ULBP1: variants seen among roughly 807,000 people sequenced by gnomAD.
ULBP1 encodes the protein UL16-binding protein 1.
In ULBP1, 28 loss-of-function variants were observed where a neutral mutation model predicts 25.3. The observed-to-expected ratio is 1.10, with a 90% CI of 0.82 to 1.51. ULBP1 has a LOEUF of 1.51. Ranked by LOEUF, ULBP1 falls within the 40% of genes most tolerant of loss-of-function variation. The pLI, the probability that ULBP1 is intolerant of heterozygous loss-of-function variation, is 0.00. For synonymous variants in ULBP1, 129 were observed against 103.0 expected, an observed-to-expected ratio of 1.25 and a Z score of -1.53; for missense variants, 348 against 290.9, an observed-to-expected ratio of 1.20 and a Z score of -1.43.
At chr6:149,969,062 C>G in intron 2 of ULBP1, 23 bp from the exon 3 acceptor site, 2 of 1,612,230 alleles carry the variant, frequency 1.2e-6, no homozygotes, top group Non-Finnish European at 1.7e-6. Context: ...AAGATCAGAG[C>G]TGATCTCTTT....
chr6:149,968,812 G>A lies in ULBP1; in HGVS notation c.291G>A (p.Val97=), dbSNP rs1197555066. 4 of 1,614,166 alleles carry A rather than the reference G, an allele frequency of 2.5e-6. No homozygotes were observed. The highest frequency in any genetic ancestry group is 3.4e-6 in the Non-Finnish European group (4 of 1,180,016). Residue 97 remains valine (V), a synonymous_variant, in exon 2 of 5, where the codon GTG becomes GTA. Coordinates refer to ENST00000229708, the MANE Select transcript of ULBP1 (RefSeq NM_025218.4). ...WEEQTETLRD[V]VDFLKGQLLD... ...AACAAACTGAAACACTAAGAGACGT[G>A]GTGGATTTCCTTAAAGGGCAACTGC... is the stretch of plus-strand genomic sequence containing the variant.
Position 149,963,974 on chromosome 6 carries a change from A to G in ULBP1, c.-76A>G. ...CTGCGCGCGGCGGGCCGGGCTGGGCAGCTTTATAAACAGCCGTGGTGTGAG... is the reference window on the plus strand; with the variant it reads ...CTGCGCGCGGCGGGCCGGGCTGGGCGGCTTTATAAACAGCCGTGGTGTGAG... On this transcript the variant is annotated 5_prime_UTR_variant, in exon 1 of 5. Transcript: ENST00000229708. 6.7e-7 allele frequency: 1 copy of G among 1,497,420 alleles called. No homozygotes were observed. The highest frequency in any genetic ancestry group is 9.2e-7 in the Non-Finnish European group (1 of 1,085,416). The allele number at this position is 1,497,420 out of a possible 1,614,324, so 92.8% of individuals were successfully genotyped here. A position where few individuals can be genotyped will look rare whatever the true frequency, so the allele number is the denominator to read the frequency against.
chr6:149,968,613 A>G lies in ULBP1; in HGVS notation c.92A>G (p.His31Arg), dbSNP rs142912845. The change falls in exon 2 of 5, where the codon CAC (histidine) becomes CGC (arginine). Residue 31 changes from histidine (H) to arginine (R), a missense_variant. Transcript: ENST00000229708. ...GWSRAGWVDT[H>R]CLCYDFIITP... Reference sequence around the variant, plus strand: ...CTGTGTTTTTCTTCCACAGACACACACTGTCTTTGCTATGACTTCATCATC... The same window carrying G: ...CTGTGTTTTTCTTCCACAGACACACGCTGTCTTTGCTATGACTTCATCATC... 6.0e-5 allele frequency: 96 copies of G among 1,603,356 alleles called. No individual in the cohort carries two copies. In the East Asian group the frequency reaches 1.3e-3, roughly 22 times the overall value.
At position 149,971,957 on chromosome 6, in the gene ULBP1, C is replaced by T. The variant is rs535760557; in HGVS notation, c.*611C>T. The T allele has an allele frequency of 2.0e-5, 3 of 152,134 alleles. No individual in the cohort carries two copies. Among genetic ancestry groups the T allele is most frequent in the Non-Finnish European group, 2.9e-5 (2 of 68,042 alleles). The allele number at this position is 152,134 out of a possible 1,614,324, so 9.4% of individuals were successfully genotyped here. A position where few individuals can be genotyped will look rare whatever the true frequency, so the allele number is the denominator to read the frequency against. On this transcript the variant is annotated 3_prime_UTR_variant, in exon 5 of 5. Coordinates refer to ENST00000229708, the MANE Select transcript of ULBP1 (RefSeq NM_025218.4). The stretch of plus-strand genomic sequence containing the variant: ...GACTCAGCCTCTAGAATAGCTGGGA[C>T]TACAGGCACATGCCACCAGGACTGG...
chr6:149,968,024 T>C (rs1779234590), intron 1 of ULBP1, among the ~76,000 whole-genome samples: 1 of 152,208 alleles, frequency 6.6e-6, no homozygotes, highest in Non-Finnish European at 1.5e-5. Context: ...TACACCCTGA[T>C]GTAGAAGTTC....
chr6:149,968,545 A>C, intron 1 of ULBP1, 62 bp from the exon 2 acceptor site: 4 of 1,551,628 alleles, frequency 2.6e-6, no homozygotes, highest in Non-Finnish European at 3.5e-6. Flanking sequence ...CATAAGTGGG[A>C]GGAGGGGATA....
rs937452380 is a variant in ULBP1 at position 149,972,312 on chromosome 6, G to A, written c.*966G>A. The stretch of plus-strand genomic sequence containing the variant: ...AATATCTGGCCAACCATATGCAGAA[G>A]AATGAAACTGAACCCCTACTTCTCC... On this transcript the variant is annotated 3_prime_UTR_variant, in exon 5 of 5. Transcript: ENST00000229708. 1 of 152,130 alleles carries A rather than the reference G, an allele frequency of 6.6e-6. No individual in the cohort carries two copies. Among genetic ancestry groups the A allele is most frequent in the Non-Finnish European group, 1.5e-5 (1 of 68,026 alleles). The allele number at this position is 152,130 out of a possible 1,614,324, so 9.4% of individuals were successfully genotyped here.
intron 1 of ULBP1, among the ~76,000 whole-genome samples, chr6:149,968,245 C>T (rs11967281): frequency 0.016 from 2,496 of 152,342 alleles, 84 homozygotes; most frequent in African/African-American, 0.057. Flanking sequence ...CACTCTCCCA[C>T]CTCCTGCAGT....
rs115012653 is a variant in ULBP1 at position 149,968,810 on chromosome 6, G to T, written c.289G>T (p.Val97Leu). 6.2e-7 allele frequency: 1 copy of T among 1,614,072 alleles called. No individual in the cohort carries two copies. The highest frequency in any genetic ancestry group is 1.7e-5 in the Admixed American group (1 of 60,010). The stretch of plus-strand genomic sequence containing the variant: ...AGAACAAACTGAAACACTAAGAGAC[G>T]TGGTGGATTTCCTTAAAGGGCAACT... ...WEEQTETLRD[V>L]VDFLKGQLLD... is the part of the protein sequence containing the mutation. Residue 97 changes from valine to leucine, a missense_variant, in exon 2 of 5, where the codon GTG becomes TTG. Coordinates refer to ENST00000229708, the MANE Select transcript of ULBP1 (RefSeq NM_025218.4).
At position 149,973,072 on chromosome 6, in the gene ULBP1, A is replaced by G. The variant is rs1779346969; in HGVS notation, c.*1726A>G. The G allele has an allele frequency of 6.6e-6, 1 of 152,238 alleles. No individual in the cohort carries two copies. Among genetic ancestry groups the G allele is most frequent in the Non-Finnish European group, 1.5e-5 (1 of 68,052 alleles). 9.4% of individuals were successfully genotyped at this position (152,238 alleles called of 1,614,324 possible). ...TTCTCACCAGCAAGGACAGAGAATC[A>G]ATCTAAGTGCCCAACAACAGTAAAT... On this transcript the variant is annotated 3_prime_UTR_variant, in exon 5 of 5. Coordinates refer to ENST00000229708, the MANE Select transcript of ULBP1 (RefSeq NM_025218.4).
At chr6:149,967,557 TG>T (rs1779225061) in intron 1 of ULBP1, among the ~76,000 whole-genome samples, 2 of 152,198 alleles carry the variant, frequency 1.3e-5, no homozygotes, top group Non-Finnish European at 2.9e-5. Flanking sequence ...TGTCTTTGTT[TG>T]TTGTAATTAT....
chr6:149,964,363 TCG>T, intron 1 of ULBP1, among the ~76,000 whole-genome samples: 1 of 150,036 alleles, frequency 6.7e-6, no homozygotes, highest in African/African-American at 2.5e-5. Context: ...TCCCCGAACA[TCG>T]TGATCTCCCC....
chr6:149,973,482 A>C lies in ULBP1; in HGVS notation c.*2136A>C, dbSNP rs915564992. The C allele has an allele frequency of 4.6e-5, 7 of 152,234 alleles. No homozygotes were observed. Among genetic ancestry groups the C allele is most frequent in the African/African-American group, 1.7e-4 (7 of 41,466 alleles). The allele number at this position is 152,234 out of a possible 1,614,324, so 9.4% of individuals were successfully genotyped here. A position where few individuals can be genotyped will look rare whatever the true frequency, so the allele number is the denominator to read the frequency against. ...ATTATATAGGTTGAAATTAAAGATG[A>C]ATAAATAAAATAAAATGACACAAGG... On this transcript the variant is annotated 3_prime_UTR_variant, in exon 5 of 5. Coordinates refer to ENST00000229708, the MANE Select transcript of ULBP1 (RefSeq NM_025218.4).
intron 1 of ULBP1, among the ~76,000 whole-genome samples, chr6:149,967,147 G>GA (rs1779218292): frequency 6.6e-6 from 1 of 152,182 alleles, no homozygotes; most frequent in African/African-American, 2.4e-5. Context: ...CATCGAATGG[G>GA]TCTATGAACC....
intron 1 of ULBP1, among the ~76,000 whole-genome samples, chr6:149,964,691 G>A (rs1253685296): frequency 1.7e-5 from 2 of 120,834 alleles, no homozygotes; most frequent in East Asian, 2.5e-4. Context: ...GCTCCTTTCC[G>A]CCGGGTCTGA....
At chr6:149,970,247 A>G in intron 4 of ULBP1, 100 bp downstream of exon 4, 1 of 1,456,402 alleles carries the variant, frequency 6.9e-7, no homozygotes, top group East Asian at 2.5e-5. Flanking sequence ...GGAACTTCTC[A>G]TCCTGACATT....
At chr6:149,966,457 C>A (rs934807112) in intron 1 of ULBP1, among the ~76,000 whole-genome samples, 1 of 152,134 alleles carries the variant, frequency 6.6e-6, no homozygotes, top group Non-Finnish European at 1.5e-5. Context: ...GGGCCTACTG[C>A]GCCCCTCCTT....
chr6:149,972,091 G>A lies in ULBP1; in HGVS notation c.*745G>A, dbSNP rs927376366. On this transcript the variant is annotated 3_prime_UTR_variant, in exon 5 of 5. Coordinates refer to ENST00000229708, the MANE Select transcript of ULBP1 (RefSeq NM_025218.4). ...CCACCTTGGCCTCCCAATGCTCTGG[G>A]ATTACAGACATGAACCACAGTGCCT... is the stretch of plus-strand genomic sequence containing the variant. 3 of 152,094 alleles carry A rather than the reference G, an allele frequency of 2.0e-5. No individual in the cohort carries two copies. The highest frequency in any genetic ancestry group is 7.2e-5 in the African/African-American group (3 of 41,420). 9.4% of individuals were successfully genotyped at this position (152,094 alleles called of 1,614,324 possible). A position where few individuals can be genotyped will look rare whatever the true frequency, so the allele number is the denominator to read the frequency against.
intron 3 of ULBP1, 112 bp from the exon 4 acceptor site, chr6:149,969,904 G>C: frequency 7.0e-7 from 1 of 1,419,656 alleles, no homozygotes; most frequent in Non-Finnish European, 9.5e-7. Flanking sequence ...CCACAGCAGA[G>C]GGGGACAAAA....
Sources: allele counts gnomAD v4.1 joint callset (sites outside exome capture counted in the v4.1 genomes callset), GRCh38; gene constraint gnomAD v4.1.1; transcripts MANE v1.5; gene names NCBI Gene and HGNC (gene_info 2026-07-23, HGNC 2026-07-21).